The following GPATCH8 variants were observed in gnomAD, a reference collection of about 807,000 sequenced individuals.
GPATCH8 encodes G-patch domain containing 8.
GPATCH8 carries 18 observed loss-of-function variants against 118.3 expected under a neutral mutation model. The observed-to-expected ratio is 0.15, with a 90% CI of 0.11 to 0.23. GPATCH8 has a LOEUF of 0.23. Among genes scored for constraint, GPATCH8 ranks in the 10% least tolerant of loss-of-function variants. GPATCH8 has a pLI of 1.00. For missense variants in GPATCH8, 1,631 were observed against 1,873.8 expected (o/e 0.87, Z 2.39); for synonymous variants, 659 against 684.7 (o/e 0.96, Z 0.59).
intron 6 of GPATCH8, among the ~76,000 whole-genome samples, chr17:44,420,037 G>C (rs2049837913): frequency 1.4e-5 from 2 of 145,066 alleles, no homozygotes. Flanking sequence ...TGTACTACAT[G>C]GTTTTTTTTT....
intron 1 of GPATCH8, among the ~76,000 whole-genome samples, chr17:44,480,885 A>G (rs541361465): frequency 5.3e-5 from 8 of 151,972 alleles, no homozygotes; most frequent in African/African-American, 1.9e-4. Flanking sequence ...AACAAAAACA[A>G]AAACAAAAAA....
intron 3 of GPATCH8, among the ~76,000 whole-genome samples, chr17:44,447,333 AT>A (rs1277147471): frequency 6.9e-6 from 1 of 144,308 alleles, no homozygotes. Flanking sequence ...TAATTTTTGT[AT>A]TTTTAGTAGA....
At position 44,400,651 on chromosome 17, in the gene GPATCH8, G is replaced by A. The variant is rs1041523819; in HGVS notation, c.1426C>T (p.Pro476Ser). The A allele has an allele frequency of 1.9e-6, 3 of 1,613,266 alleles. No individual in the cohort carries two copies. The highest frequency in any genetic ancestry group is 2.5e-6 in the Non-Finnish European group (3 of 1,179,374). The part of the protein sequence containing the change: ...KETSMTEPSE[P>S]GSKAEAKKAL... ...TTCTTTGCCTCAGCTTTGCTTCCTG[G>A]TTCTGAGGGCTCGGTCATGCTGGTT... The change falls in exon 8 of 8, where the codon CCA becomes TCA. Residue 476 changes from proline (P) to serine (S), a missense_variant. Coordinates refer to ENST00000591680, the MANE Select transcript of GPATCH8 (RefSeq NM_001002909.4).
At chr17:44,405,045 A>T (rs1017538616) in intron 7 of GPATCH8, among the ~76,000 whole-genome samples, 7 of 152,242 alleles carry the variant, frequency 4.6e-5, no homozygotes, top group Non-Finnish European at 1.0e-4. Flanking sequence ...GAAAGAGGAT[A>T]CCGAATGTTC....
chr17:44,498,095 G>A (rs1178819837), intron 1 of GPATCH8, among the ~76,000 whole-genome samples: 2 of 152,090 alleles, frequency 1.3e-5, no homozygotes, highest in African/African-American at 4.8e-5. Context: ...ATATTTTTAA[G>A]TCACAAATTT....
chr17:44,441,111 G>A (rs915763128), intron 3 of GPATCH8, among the ~76,000 whole-genome samples: 1 of 152,118 alleles, frequency 6.6e-6, no homozygotes, highest in Non-Finnish European at 1.5e-5. Flanking sequence ...GCCTCCCAAA[G>A]TGCTGGGATT....
intron 3 of GPATCH8, among the ~76,000 whole-genome samples, chr17:44,441,952 C>T (rs983447582): frequency 2.6e-5 from 4 of 151,702 alleles, no homozygotes; most frequent in Admixed American, 6.6e-5. Context: ...CGCTTAAACC[C>T]GGGAGGCGGA....
intron 2 of GPATCH8, chr17:44,467,163 C>G: frequency 1.1e-6 from 1 of 877,128 alleles, no homozygotes; most frequent in Non-Finnish European, 1.6e-6. Context: ...ACTGTCCAAT[C>G]ACTAATGGTC....
chr17:44,483,463 C>A (rs1259200963), intron 1 of GPATCH8, among the ~76,000 whole-genome samples: 1 of 150,824 alleles, frequency 6.6e-6, no homozygotes, highest in Non-Finnish European at 1.5e-5. Flanking sequence ...ATTGGCCAGG[C>A]TGGTCTTGAA....
chr17:44,398,932 T>C lies in GPATCH8; in HGVS notation c.3145A>G (p.Lys1049Glu). The C allele has an allele frequency of 1.2e-6, 2 of 1,614,176 alleles. No homozygotes were observed. The highest frequency in any genetic ancestry group is 8.5e-7 in the Non-Finnish European group (1 of 1,180,038). The change falls in exon 8 of 8, where the codon AAG becomes GAG. Residue 1049 changes from lysine to glutamate, a missense_variant. Coordinates refer to ENST00000591680, the MANE Select transcript of GPATCH8 (RefSeq NM_001002909.4). ...FRSGRGEGPG[K>E]KDDGRGDDSK... ...TCATCTCCTCTGCCATCATCTTTCT[T>C]CCCAGGACCTTCTCCCCGGCCTGAT...
chr17:44,416,687 T>C (rs2049698847), intron 6 of GPATCH8, among the ~76,000 whole-genome samples: 1 of 152,190 alleles, frequency 6.6e-6, no homozygotes, highest in Admixed American at 6.5e-5. Context: ...TATTGGGTAA[T>C]GAAACAGTCA....
rs1271989118 is a variant in GPATCH8 at position 44,396,734 on chromosome 17, AAGC to A, written c.*831_*833del. The stretch of plus-strand genomic sequence containing the variant: ...GAACCTTTTTTATATGAGCTACAAA[AAGC>A]AGCATTTACGTTTATAGAGTTCAGT... On this transcript the variant is annotated 3_prime_UTR_variant, in exon 8 of 8. Coordinates refer to ENST00000591680, the MANE Select transcript of GPATCH8 (RefSeq NM_001002909.4). 1 of 449,316 alleles carries A rather than the reference AAGC, an allele frequency of 2.2e-6. No individual in the cohort carries two copies. The allele number at this position is 449,316 out of a possible 1,614,324, so 27.8% of individuals were successfully genotyped here.
chr17:44,432,386 G>C (rs192315766), intron 5 of GPATCH8, among the ~76,000 whole-genome samples: 45 of 152,226 alleles, frequency 3.0e-4, no homozygotes, highest in Admixed American at 1.3e-4. Flanking sequence ...ATACGACAAG[G>C]GTAGTTAAGG....
chr17:44,456,137 C>A (rs1403168989), intron 3 of GPATCH8, among the ~76,000 whole-genome samples: 1 of 152,136 alleles, frequency 6.6e-6, no homozygotes, highest in African/African-American at 2.4e-5. Context: ...ACAGGTCTAG[C>A]TATGTTGCCC....
Position 44,420,367 on chromosome 17 carries a change from A to G in GPATCH8, c.492+3982T>C, listed in dbSNP as rs924237098. Among the ~76,000 whole-genome samples the G allele has an allele frequency of 1.5e-4, 23 of 152,364 alleles. No homozygotes were observed. The Middle Eastern group carries it at 0.01, about 68-fold the overall frequency. On this transcript the variant is annotated intron_variant, in intron 6 of 7. Transcript: ENST00000591680. ...AATGACACCACAATATCATATATAT[A>G]CGAAAGTTTTTAATTAATTCTGATA...
chr17:44,405,455 G>A (rs1246826208), intron 7 of GPATCH8, among the ~76,000 whole-genome samples: 3 of 151,874 alleles, frequency 2.0e-5, no homozygotes, highest in Admixed American at 6.6e-5. Context: ...TGATCTGCCC[G>A]CCTCGGCCTC....
intron 3 of GPATCH8, among the ~76,000 whole-genome samples, chr17:44,439,194 T>C (rs191725840): frequency 2.4e-4 from 37 of 152,156 alleles, no homozygotes; most frequent in African/African-American, 8.7e-4. Flanking sequence ...GAAATATATA[T>C]ATAAAACAAT....
intron 6 of GPATCH8, among the ~76,000 whole-genome samples, chr17:44,419,815 T>C (rs555392093): frequency 8.5e-5 from 13 of 152,274 alleles, no homozygotes; most frequent in Admixed American, 2.6e-4. Flanking sequence ...CATGAGCCAC[T>C]GCACCCAGTG....
At chr17:44,445,980 G>A (rs1290975568) in intron 3 of GPATCH8, 1 of 152,012 alleles carries the variant, frequency 6.6e-6, no homozygotes, top group Non-Finnish European at 1.5e-5. Flanking sequence ...CTGTTGCCTA[G>A]GCAGGACGGA....
Sources: allele counts gnomAD v4.1 joint callset (sites outside exome capture counted in the v4.1 genomes callset), GRCh38; gene constraint gnomAD v4.1.1; transcripts MANE v1.5; gene names NCBI Gene and HGNC (gene_info 2026-07-23, HGNC 2026-07-21).